Variants in TNFRSF14 observed in about 807,000 individuals in gnomAD.
TNFRSF14 encodes tumor necrosis factor receptor superfamily member 14.
Under a neutral mutation model 34.1 loss-of-function variants are expected in TNFRSF14, and 18 were observed. That is an observed-to-expected ratio of 0.53 (90% CI 0.36 to 0.78). The LOEUF is 0.78. TNFRSF14 is among the 30% of genes least tolerant of loss of function. The pLI is 0.00. For missense variants in TNFRSF14, 352 were observed against 379.5 expected (o/e 0.93, Z 0.60); for synonymous variants, 157 against 153.2 (o/e 1.02, Z -0.18).
chr1:2,557,630 C>T, intron 1 of TNFRSF14, 96 bp from the exon 2 acceptor site: 1 of 926,032 alleles, frequency 1.1e-6, no homozygotes, highest in Non-Finnish European at 1.6e-6. Context: ...CCGCTCCTCC[C>T]CATTGCACAG....
In TNFRSF14 at chr1:2,563,399, C is replaced by A; in HGVS notation, c.*126C>A. 1 of 1,482,428 alleles carries A rather than the reference C, an allele frequency of 6.7e-7. No individual in the cohort carries two copies. The highest frequency in any genetic ancestry group is 2.2e-5 in the Admixed American group (1 of 45,378). The allele number at this position is 1,482,428 out of a possible 1,614,324, so 91.8% of individuals were successfully genotyped here. ...CTCCGCCCTGGGCTGGCTTCCGTCT[C>A]CTCCAGTGGAGGGAGAGGTGGGGCC... On this transcript the variant is annotated 3_prime_UTR_variant, in exon 8 of 8. Transcript: ENST00000355716.
At position 2,563,433 on chromosome 1, in the gene TNFRSF14, G is replaced by T; in HGVS notation, c.*160G>T. ...GAGGGAGAGGTGGGGCCCCTGCTGGGGTAGAGCTGGGGACGCCACGTGCCA... is the reference window on the plus strand; with the variant it reads ...GAGGGAGAGGTGGGGCCCCTGCTGGTGTAGAGCTGGGGACGCCACGTGCCA... On this transcript the variant is annotated 3_prime_UTR_variant, in exon 8 of 8. Transcript: ENST00000355716. The T allele has an allele frequency of 8.3e-7, 1 of 1,198,218 alleles. No homozygotes were observed. Among genetic ancestry groups the T allele is most frequent in the East Asian group, 2.5e-5 (1 of 40,394 alleles). 74.2% of individuals were successfully genotyped at this position (1,198,218 alleles called of 1,614,324 possible). A position where few individuals can be genotyped will look rare whatever the true frequency, so the allele number is the denominator to read the frequency against.
At position 2,563,207 on chromosome 1, in the gene TNFRSF14, G is replaced by A. The variant is rs369054071; in HGVS notation, c.786G>A (p.Pro262=). The A allele has an allele frequency of 4.0e-5, 65 of 1,613,510 alleles. No homozygotes were observed. The highest frequency in any genetic ancestry group is 5.3e-5 in the African/African-American group (4 of 75,054). The change falls in exon 8 of 8, where the codon CCG becomes CCA. Residue 262 remains proline (P), a synonymous_variant. Coordinates refer to ENST00000355716, the MANE Select transcript of TNFRSF14 (RefSeq NM_003820.4). Reference sequence around the variant, plus strand: ...TCATTGAGGCCCTGCAGGCCCCTCCGGACGTCACCACGGTGGCCGTGGAGG... The same window carrying A: ...TCATTGAGGCCCTGCAGGCCCCTCCAGACGTCACCACGGTGGCCGTGGAGG... The part of the protein sequence containing the change: ...ATVIEALQAP[P]DVTTVAVEET...
chr1:2,559,164 T>C (rs1032200692), intron 3 of TNFRSF14: 3 of 1,365,732 alleles, frequency 2.2e-6, no homozygotes, highest in Non-Finnish European at 1.9e-6. Context: ...GCAGGTGGGC[T>C]AGCCATGAAC....
rs988094057 is a variant in TNFRSF14, at chr1:2,559,990, G to C, written c.460+12G>C. ...GGTGCAGAAGGGAGGTAAGCGGTGG[G>C]TGGCGGACACCCCTCCCATTTCCAC... On this transcript the variant is annotated intron_variant, in intron 4 of 7. Transcript: ENST00000355716. 1 of 1,533,116 alleles carries C rather than the reference G, an allele frequency of 6.5e-7. No individual in the cohort carries two copies. 95.0% of individuals were successfully genotyped at this position (1,533,116 alleles called of 1,614,324 possible). A position where few individuals can be genotyped will look rare whatever the true frequency, so the allele number is the denominator to read the frequency against.
chr1:2,556,960 G>A (rs1270872316), intron 1 of TNFRSF14: 6 of 492,890 alleles, frequency 1.2e-5, no homozygotes, highest in Admixed American at 3.6e-5. Flanking sequence ...CTCCTCCTGC[G>A]TGTGTCCCCC....
At chr1:2,557,115 G>A (rs1383173734) in intron 1 of TNFRSF14, 1 of 281,350 alleles carries the variant, frequency 3.6e-6, no homozygotes, top group Non-Finnish European at 6.7e-6. Flanking sequence ...CTTGGTGACA[G>A]GTGATAAGAT....
intron 3 of TNFRSF14, chr1:2,559,551 C>G (rs1341626387): frequency 5.3e-6 from 8 of 1,518,632 alleles, no homozygotes; most frequent in Non-Finnish European, 7.0e-6. Context: ...TCCTGCCCAT[C>G]TGGGCAGAAG....
rs1265321014 is a variant in TNFRSF14, at chr1:2,561,999, C to T, written c.694+184C>T. 4.4e-6 allele frequency: 3 copies of T among 681,330 alleles called. No individual in the cohort carries two copies. Among genetic ancestry groups the T allele is most frequent in the South Asian group, 1.8e-5 (1 of 54,940 alleles). The allele number at this position is 681,330 out of a possible 1,614,324, so 42.2% of individuals were successfully genotyped here. ...GGCCAGAGCCCAGGTGTCAGCTGGC[C>T]TCCCTGGGGGAAGGGAAGGTGGGAC... On this transcript the variant is annotated intron_variant, in intron 6 of 7. Coordinates refer to ENST00000355716, the MANE Select transcript of TNFRSF14 (RefSeq NM_003820.4). The surrounding 1 kb of genome is among the most constrained non-coding windows in gnomAD (Gnocchi z 6.0).
chr1:2,559,254 G>A (rs565441149), intron 3 of TNFRSF14: 12 of 1,369,118 alleles, frequency 8.8e-6, no homozygotes, highest in Non-Finnish European at 1.2e-5. Context: ...TGCATGCCCA[G>A]TTCCATGCCC....
In TNFRSF14 at chr1:2,560,685, G is replaced by C. The variant is rs779263845; in HGVS notation, c.522G>C (p.Gly174=). ...CCCCGGGGACCTTCTCTCCCAATGGGACCCTGGAGGAATGTCAGCACCAGA... is the reference window on the plus strand; with the variant it reads ...CCCCGGGGACCTTCTCTCCCAATGGCACCCTGGAGGAATGTCAGCACCAGA... ...NCPPGTFSPN[G]TLEECQHQTK... Residue 174 remains glycine (G), a synonymous_variant, in exon 5 of 8, where the codon GGG becomes GGC. Coordinates refer to ENST00000355716, the MANE Select transcript of TNFRSF14 (RefSeq NM_003820.4). 1.2e-6 allele frequency: 2 copies of C among 1,613,470 alleles called. No individual in the cohort carries two copies. The highest frequency in any genetic ancestry group is 1.7e-6 in the Non-Finnish European group (2 of 1,179,930).
Position 2,559,966 on chromosome 1 carries a change from G to A in TNFRSF14, c.448G>A (p.Val150Met), listed in dbSNP as rs1456904432. 7 of 1,571,054 alleles carry A rather than the reference G, an allele frequency of 4.5e-6. No homozygotes were observed. In the South Asian group the frequency reaches 4.6e-5, roughly 10 times the overall value. ...CGCCACCTCCAGCCCGGGCCAGAGG[G>A]TGCAGAAGGGAGGTAAGCGGTGGGT... ...AYATSSPGQR[V>M]QKGGTESQDT... is the part of the protein sequence containing the mutation. Residue 150 changes from valine (V) to methionine (M), a missense_variant, in exon 4 of 8, where the codon GTG (valine) becomes ATG (methionine). By Grantham distance (21) the Val-to-Met change is conservative (BLOSUM62 1). Coordinates refer to ENST00000355716, the MANE Select transcript of TNFRSF14 (RefSeq NM_003820.4).
intron 3 of TNFRSF14, chr1:2,559,408 C>T (rs1233600395): frequency 7.2e-7 from 1 of 1,386,218 alleles, no homozygotes; most frequent in South Asian, 1.2e-5. Context: ...CTCACCCTAC[C>T]TGCCTCTGCC....
At chr1:2,562,032 C>A in intron 6 of TNFRSF14, 2 of 604,682 alleles carry the variant, frequency 3.3e-6, no homozygotes, top group South Asian at 2.0e-5. Context: ...GACCCCTGAC[C>A]GTGGAGCCCT....
intron 6 of TNFRSF14, 191 bp from the exon 7 acceptor site, chr1:2,562,674 G>C: frequency 1.3e-6 from 1 of 753,160 alleles, no homozygotes; most frequent in Non-Finnish European, 2.3e-6. Context: ...GGGCCTCCTG[G>C]GGACAGGCTG....
chr1:2,559,708 G>T, intron 3 of TNFRSF14, 115 bp from the exon 4 acceptor site: 3 of 1,536,726 alleles, frequency 2.0e-6, no homozygotes, highest in Non-Finnish European at 2.6e-6. Context: ...TGAGCCAGGG[G>T]TTCAGCCTGG....
At chr1:2,554,245 AC>A (rs1216377386), upstream of TNFRSF14, 1 of 152,736 alleles carries the variant, frequency 6.5e-6, no homozygotes, top group Admixed American at 6.5e-5. This position sits in a 1 kb window ranked among gnomAD's most constrained non-coding sequence, Gnocchi z 4.2. Context: ...CTTCCTGATG[AC>A]CCTGGGGTCC....
chr1:2,558,584 A>T, intron 3 of TNFRSF14, 116 bp downstream of exon 3: 1 of 1,556,850 alleles, frequency 6.4e-7, no homozygotes, highest in Non-Finnish European at 8.6e-7. Flanking sequence ...GCCCCAGGCC[A>T]GGTCCCAACC....
At chr1:2,556,194 C>A (rs1456295446), upstream of TNFRSF14, 1 of 424,010 alleles carries the variant, frequency 2.4e-6, no homozygotes, top group Admixed American at 3.4e-5. Flanking sequence ...CACAGGGCCC[C>A]TTTATTCGGC....
Sources: gnomAD v4.1 joint callset for allele counts on GRCh38, gnomAD v4.1.1 for gene constraint, Gnocchi (gnomAD v3.1) non-coding constraint, MANE v1.5 for transcripts, NCBI Gene and HGNC (gene_info 2026-07-23, HGNC 2026-07-21) for gene names.